The following DHX29 variants were observed in gnomAD, a reference collection of about 807,000 sequenced individuals.
The protein encoded by DHX29 is DExH-box helicase 29, also known as ATP-dependent RNA helicase DHX29.
In DHX29, 79 loss-of-function variants were observed where a neutral mutation model predicts 167.9. The observed-to-expected ratio is 0.47, with a 90% CI of 0.39 to 0.57. DHX29 has a LOEUF of 0.57. Among genes scored for constraint, DHX29 ranks in the 20% least tolerant of loss-of-function variants. DHX29 has a pLI of 0.00. For synonymous variants in DHX29, 530 were observed against 546.0 expected (o/e 0.97, Z 0.41); for missense variants, 1,347 against 1,593.4 (o/e 0.85, Z 2.63).
chr5:55,286,931 C>G (rs1747760595), intron 8 of DHX29, among the ~76,000 whole-genome samples: 1 of 152,176 alleles, frequency 6.6e-6, no homozygotes, highest in South Asian at 2.1e-4. Flanking sequence ...CAGGCTAACA[C>G]CTAAACATCT....
chr5:55,276,531 A>G, intron 13 of DHX29, 125 bp from the exon 14 acceptor site: 2 of 747,092 alleles, frequency 2.7e-6, no homozygotes, highest in Non-Finnish European at 2.1e-6. Flanking sequence ...TTATGAAAAA[A>G]AATTTTTAGT....
chr5:55,280,105 G>A (rs917921618), intron 12 of DHX29, among the ~76,000 whole-genome samples: 15 of 152,126 alleles, frequency 9.9e-5, no homozygotes, highest in African/African-American at 3.1e-4. Context: ...AGAGGGTCCT[G>A]TATAATGTCA....
chr5:55,281,190 A>G (rs1233937948), intron 12 of DHX29, among the ~76,000 whole-genome samples, 182 bp downstream of exon 12: 1 of 152,106 alleles, frequency 6.6e-6, no homozygotes, highest in Non-Finnish European at 1.5e-5. Flanking sequence ...AGCATATAGC[A>G]AATATTATAT....
intron 23 of DHX29, among the ~76,000 whole-genome samples, chr5:55,263,291 T>G (rs190952386): frequency 6.5e-4 from 99 of 152,314 alleles, no homozygotes; most frequent in Non-Finnish European, 1.2e-3. Flanking sequence ...TGAGAAAGAA[T>G]TGACAGAAAT....
In DHX29 at chr5:55,267,833, A is replaced by G. The variant is rs1406917961; in HGVS notation, c.3295-11T>C. 2 of 1,584,940 alleles carry G rather than the reference A, an allele frequency of 1.3e-6. No homozygotes were observed. The highest frequency in any genetic ancestry group is 1.7e-6 in the Non-Finnish European group (2 of 1,165,220). On this transcript the variant is annotated splice_polypyrimidine_tract_variant and intron_variant, in intron 21 of 26. Coordinates refer to ENST00000251636, the MANE Select transcript of DHX29 (RefSeq NM_019030.4). ...TGCAGCTAGTGTTGCCTATCCATAA[A>G]TCATAAATGACAAAACAATTTATCA... is the stretch of plus-strand genomic sequence containing the variant.
At chr5:55,293,925 C>T in intron 6 of DHX29, 92 bp downstream of exon 6, 3 of 1,410,832 alleles carry the variant, frequency 2.1e-6, no homozygotes, top group Non-Finnish European at 1.9e-6. Flanking sequence ...GGTACATTTC[C>T]AATTTACAAA....
At chr5:55,281,079 A>G (rs1561152046) in intron 12 of DHX29, among the ~76,000 whole-genome samples, 2 of 146,862 alleles carry the variant, frequency 1.4e-5, no homozygotes, top group African/African-American at 2.6e-5. Flanking sequence ...ACACACACAC[A>G]CGCTATATAT....
chr5:55,282,428 A>G (rs1202841315), intron 11 of DHX29, among the ~76,000 whole-genome samples: 1 of 152,202 alleles, frequency 6.6e-6, no homozygotes, highest in East Asian at 1.9e-4. Flanking sequence ...TCATTCTCTA[A>G]CAGCAGAAAC....
intron 1 of DHX29, among the ~76,000 whole-genome samples, chr5:55,299,914 A>C (rs946432119): frequency 6.6e-6 from 1 of 152,196 alleles, no homozygotes; most frequent in Non-Finnish European, 1.5e-5. Context: ...ACAATGAGTA[A>C]CCAGGAAACA....
chr5:55,274,239 T>A (rs1746994633), intron 16 of DHX29, among the ~76,000 whole-genome samples: 1 of 149,976 alleles, frequency 6.7e-6, no homozygotes, highest in South Asian at 2.1e-4. Flanking sequence ...ATGAAAAAAA[T>A]TTTTTAAATT....
intron 26 of DHX29, among the ~76,000 whole-genome samples, chr5:55,256,925 T>C (rs1352020769): frequency 6.6e-6 from 1 of 152,246 alleles, no homozygotes; most frequent in Non-Finnish European, 1.5e-5. Flanking sequence ...AAGGCTCTAC[T>C]GACTCTTCAG....
intron 12 of DHX29, among the ~76,000 whole-genome samples, chr5:55,279,086 A>T (rs529777159): frequency 7.9e-5 from 12 of 152,342 alleles, no homozygotes; most frequent in Admixed American, 7.2e-4. Flanking sequence ...ATAAAGCAGG[A>T]AGTTTAATTC....
At position 55,267,238 on chromosome 5, in the gene DHX29, A is replaced by T. The variant is rs1204426172; in HGVS notation, c.3432-7T>A. The T allele has an allele frequency of 6.2e-7, 1 of 1,601,478 alleles. No individual in the cohort carries two copies. On this transcript the variant is annotated splice_polypyrimidine_tract_variant and splice_region_variant and intron_variant, in intron 22 of 26. Transcript: ENST00000251636. ...TTGTCGTGCTTTCTTCCATCTAGAT[A>T]AATAAAATGTCAATTAATGAATAAA...
intron 12 of DHX29, among the ~76,000 whole-genome samples, chr5:55,280,140 C>T (rs1485738154): frequency 3.9e-5 from 6 of 152,130 alleles, no homozygotes; most frequent in African/African-American, 1.4e-4. Flanking sequence ...ACATCTCTTA[C>T]AATAAATACT....
At chr5:55,271,819 A>C (rs929159494) in intron 18 of DHX29, among the ~76,000 whole-genome samples, 2 of 152,190 alleles carry the variant, frequency 1.3e-5, no homozygotes, top group Non-Finnish European at 2.9e-5. Flanking sequence ...AATATCTATA[A>C]AAATTTATGT....
chr5:55,280,806 T>C (rs1377592918), intron 12 of DHX29, among the ~76,000 whole-genome samples: 1 of 152,158 alleles, frequency 6.6e-6, no homozygotes, highest in Non-Finnish European at 1.5e-5. Flanking sequence ...AGACCCTAGA[T>C]TATCGTTCCC....
At chr5:55,264,203 A>G (rs940382158) in intron 23 of DHX29, among the ~76,000 whole-genome samples, 10 of 152,180 alleles carry the variant, frequency 6.6e-5, no homozygotes, top group African/African-American at 2.4e-4. Flanking sequence ...AAAAAAACAA[A>G]AAGACAGTAT....
chr5:55,259,084 A>C (rs562457654), intron 26 of DHX29, among the ~76,000 whole-genome samples: 1 of 152,214 alleles, frequency 6.6e-6, no homozygotes, highest in African/African-American at 2.4e-5. Context: ...GGGCTCAAGC[A>C]ATCTTCCCAC....
At chr5:55,262,142 A>G (rs1561133939) in intron 24 of DHX29, among the ~76,000 whole-genome samples, 1 of 152,186 alleles carries the variant, frequency 6.6e-6, no homozygotes. Context: ...AAGAAAATGG[A>G]GTGGTCATGC....
Sources: gnomAD v4.1 joint callset for allele counts (sites outside exome capture counted in the v4.1 genomes callset) on GRCh38, gnomAD v4.1.1 for gene constraint, MANE v1.5 for transcripts, NCBI Gene and HGNC (gene_info 2026-07-23, HGNC 2026-07-21) for gene names.